ICAM5: variants seen among roughly 807,000 people sequenced by gnomAD.
ICAM5 encodes intercellular adhesion molecule 5.
ICAM5 carries 38 observed loss-of-function variants against 78.8 expected under a neutral mutation model. That is an observed-to-expected ratio of 0.48 (90% CI 0.37 to 0.63). The LOEUF is 0.63. ICAM5 is among the 30% of genes least tolerant of loss of function. The pLI, the probability that ICAM5 is intolerant of heterozygous loss-of-function variation, is 0.00. For synonymous variants in ICAM5, 544 were observed against 590.9 expected (o/e 0.92, Z 1.15); for missense variants, 1,059 against 1,303.0 (o/e 0.81, Z 2.88).
At position 10,296,624 on chromosome 19, in the gene ICAM5, C is replaced by G; in HGVS notation, c.*8C>G. The stretch of plus-strand genomic sequence containing the variant: ...CAGCTGACATCGGCGTGAGCCCGCT[C>G]CCCTCTCCCCGCGGGCCGGGGGACG... On this transcript the variant is annotated 3_prime_UTR_variant, in exon 11 of 11. Transcript: ENST00000221980. 8.3e-7 allele frequency: 1 copy of G among 1,210,020 alleles called. No homozygotes were observed. Among genetic ancestry groups the G allele is most frequent in the East Asian group, 3.4e-5 (1 of 29,430 alleles). 75.0% of individuals were successfully genotyped at this position (1,210,020 alleles called of 1,614,324 possible).
chr19:10,292,715 G>A lies in ICAM5; in HGVS notation c.1065G>A (p.Glu355=). The A allele has an allele frequency of 6.2e-7, 1 of 1,613,322 alleles. No individual in the cohort carries two copies. Among genetic ancestry groups the A allele is most frequent in the African/African-American group, 1.3e-5 (1 of 75,010 alleles). The change falls in exon 5 of 11, where the codon GAG becomes GAA. Residue 355 remains glutamate (E), a synonymous_variant. Transcript: ENST00000221980. Reference sequence around the variant, plus strand: ...GGGCCCAAGCTCTGGTCACACTGGAGGGAGTTCCAGCCGCGGTCCCGGGGC... The same window carrying A: ...GGGCCCAAGCTCTGGTCACACTGGAAGGAGTTCCAGCCGCGGTCCCGGGGC... ...AAGAQALVTL[E]GVPAAVPGQP... is the part of the protein sequence containing the mutation.
chr19:10,295,682 C>T, intron 10 of ICAM5, 70 bp downstream of exon 10: 12 of 1,453,482 alleles, frequency 8.3e-6, no homozygotes, highest in Admixed American at 2.4e-5. Context: ...TTGGGGCGGC[C>T]GGCCCCGCCT....
Position 10,296,610 on chromosome 19 carries a change from G to A in ICAM5, c.2769G>A (p.Ser923=), listed in dbSNP as rs188344435. The change falls in exon 11 of 11, where the codon TCG becomes TCA. Residue 923 remains serine (S), a synonymous_variant. Transcript: ENST00000221980. ...EGEVFAIQLT[S]A is the part of the protein sequence containing the mutation. ...AGGTCTTCGCCATACAGCTGACATC[G>A]GCGTGAGCCCGCTCCCCTCTCCCCG... is the stretch of plus-strand genomic sequence containing the variant. 5.0e-6 allele frequency: 6 copies of A among 1,211,776 alleles called. No homozygotes were observed. Among genetic ancestry groups the A allele is most frequent in the East Asian group, 3.4e-5 (1 of 29,418 alleles). 75.1% of individuals were successfully genotyped at this position (1,211,776 alleles called of 1,614,324 possible). A position where few individuals can be genotyped will look rare whatever the true frequency, so the allele number is the denominator to read the frequency against.
rs747968130 is a variant in ICAM5 at position 10,293,050 on chromosome 19, G to A, written c.1269G>A (p.Glu423=). The A allele has an allele frequency of 5.0e-6, 8 of 1,610,634 alleles. No individual in the cohort carries two copies. The highest frequency in any genetic ancestry group is 5.1e-6 in the Non-Finnish European group (6 of 1,179,982). ...GCCCCAGGAGTTGGACGTGGCCCGAGGGCCCAGAGCAGACGCTGCGCTGCG... is the reference window on the plus strand; with the variant it reads ...GCCCCAGGAGTTGGACGTGGCCCGAAGGCCCAGAGCAGACGCTGCGCTGCG... ...SDCPRSWTWP[E]GPEQTLRCEA... is the part of the protein sequence containing the mutation. Residue 423 remains glutamate, a synonymous_variant, in exon 6 of 11, where the codon GAG becomes GAA. Coordinates refer to ENST00000221980, the MANE Select transcript of ICAM5 (RefSeq NM_003259.4). The surrounding 1 kb of genome is among the most constrained non-coding windows in gnomAD (Gnocchi z 5.0).
At position 10,292,031 on chromosome 19, in the gene ICAM5, CT is replaced by C. The variant is rs747879148; in HGVS notation, c.674-3del. ...TAGTTCAAACTTGGTTCTTCGACCC[CT>C]AGCCCTGTCTCCGGATGCCCCGCGC... On this transcript the variant is annotated splice_region_variant and splice_polypyrimidine_tract_variant and intron_variant, in intron 3 of 10. Coordinates refer to ENST00000221980, the MANE Select transcript of ICAM5 (RefSeq NM_003259.4). The C allele has an allele frequency of 1.9e-6, 3 of 1,611,178 alleles. No homozygotes were observed. Among genetic ancestry groups the C allele is most frequent in the Non-Finnish European group, 2.5e-6 (3 of 1,178,462 alleles).
rs768492302 is a variant in ICAM5, at chr19:10,294,351, G to T, written c.1990+33G>T. ...AGGCCCAGGCGGGTAGGGAGCAGGG[G>T]TGCCCCACGGTCCAGGCACTCCCTG... is the stretch of plus-strand genomic sequence containing the variant. On this transcript the variant is annotated intron_variant, in intron 8 of 10. Coordinates refer to ENST00000221980, the MANE Select transcript of ICAM5 (RefSeq NM_003259.4). The surrounding 1 kb of genome is among the most constrained non-coding windows in gnomAD (Gnocchi z 7.7). 16 of 1,612,280 alleles carry T rather than the reference G, an allele frequency of 9.9e-6. No homozygotes were observed. In the South Asian group the frequency reaches 1.6e-4, roughly 17 times the overall value.
In ICAM5 at chr19:10,291,957, G is replaced by A. The variant is rs936547023; in HGVS notation, c.674-78G>A. ...CTCCGTGCCTTGAGGATGATAATAC[G>A]ATAAGATAGTGCATGTCAAGTGCTT... On this transcript the variant is annotated intron_variant, in intron 3 of 10. Transcript: ENST00000221980. 12 of 1,521,680 alleles carry A rather than the reference G, an allele frequency of 7.9e-6. No homozygotes were observed. In the South Asian group the frequency reaches 1.4e-4, roughly 18 times the overall value. The allele number at this position is 1,521,680 out of a possible 1,614,324, so 94.3% of individuals were successfully genotyped here. A position where few individuals can be genotyped will look rare whatever the true frequency, so the allele number is the denominator to read the frequency against.
At position 10,296,521 on chromosome 19, in the gene ICAM5, G is replaced by A. The variant is rs2145032926; in HGVS notation, c.2680G>A (p.Ala894Thr). ...CGGAGCGGGCGGCGGCGCTGGCGGG[G>A]CGGCAGGCGCGGAGGGCGGACCCGA... ...LNGAGGGAGGAAGAEGGPEAA... is the reference protein window; with the variant it reads ...LNGAGGGAGGTAGAEGGPEAA... The change falls in exon 11 of 11, where the codon GCG becomes ACG. Residue 894 changes from alanine to threonine, a missense_variant. Coordinates refer to ENST00000221980, the MANE Select transcript of ICAM5 (RefSeq NM_003259.4). 1 of 1,210,038 alleles carries A rather than the reference G, an allele frequency of 8.3e-7. No individual in the cohort carries two copies. The allele number at this position is 1,210,038 out of a possible 1,614,324, so 75.0% of individuals were successfully genotyped here.
chr19:10,290,901 G>A lies in ICAM5; in HGVS notation c.83-171G>A. The A allele has an allele frequency of 1.3e-6, 1 of 776,174 alleles. No homozygotes were observed. Among genetic ancestry groups the A allele is most frequent in the Non-Finnish European group, 2.0e-6 (1 of 495,748 alleles). The allele number at this position is 776,174 out of a possible 1,614,324, so 48.1% of individuals were successfully genotyped here. A position where few individuals can be genotyped will look rare whatever the true frequency, so the allele number is the denominator to read the frequency against. ...GACACCCTCGAGGTTTAGACTCTGG[G>A]AGTGCGCCTTTAAACCGGAGGCCTG... On this transcript the variant is annotated intron_variant, in intron 1 of 10. Transcript: ENST00000221980. The surrounding 1 kb of genome is among the most constrained non-coding windows in gnomAD (Gnocchi z 5.7).
chr19:10,293,202 A>G lies in ICAM5; in HGVS notation c.1421A>G (p.Asn474Ser), dbSNP rs201216338. The G allele has an allele frequency of 4.5e-5, 73 of 1,607,774 alleles. No homozygotes were observed. The South Asian group carries it at 6.4e-4, about 14-fold the overall frequency. Residue 474 changes from asparagine (N) to serine (S), a missense_variant, in exon 6 of 11, where the codon AAT (asparagine) becomes AGT (serine). Asn to Ser is a conservative substitution (Grantham distance 46). Transcript: ENST00000221980. The surrounding 1 kb of genome is among the most constrained non-coding windows in gnomAD (Gnocchi z 5.0). ...GGCACTTACCGCTGCAAGGCGGCCA[A>G]TGATCAAGGCGAGGCGGTCAAGGAC... ...LSGTYRCKAA[N>S]DQGEAVKDVT...
At chr19:10,295,678 C>A in intron 10 of ICAM5, 66 bp downstream of exon 10, 6 of 1,461,758 alleles carry the variant, frequency 4.1e-6, no homozygotes, top group Non-Finnish European at 5.4e-6. Flanking sequence ...GGTCTTGGGG[C>A]GGCCGGCCCC....
rs1399405573 is a variant in ICAM5, at chr19:10,293,866, A to G, written c.1634A>G (p.Glu545Gly). 10 of 1,611,664 alleles carry G rather than the reference A, an allele frequency of 6.2e-6. No individual in the cohort carries two copies. The highest frequency in any genetic ancestry group is 8.5e-6 in the Non-Finnish European group (10 of 1,179,966). ...GAGGGGCTGTTGCGTGTGGCCCGGG[A>G]GCATGCGGGCACTTACCGCTGCGAA... ...VIEGLLRVAR[E>G]HAGTYRCEAT... The change falls in exon 7 of 11, where the codon GAG (glutamate) becomes GGG (glycine). Residue 545 changes from glutamate to glycine, a missense_variant. Glu to Gly is a moderately conservative substitution (Grantham distance 98). This residue lies in a region of ICAM5 where 815 missense variants were observed against 952.8 expected (regional missense o/e 0.86). Coordinates refer to ENST00000221980, the MANE Select transcript of ICAM5 (RefSeq NM_003259.4). The surrounding 1 kb of genome is among the most constrained non-coding windows in gnomAD (Gnocchi z 5.0).
chr19:10,294,694 G>A lies in ICAM5; in HGVS notation c.2230+54G>A, dbSNP rs879574971. ...GACACGGTCCTCGGAAGAATGACTC[G>A]CAGCGGTGGGAGCATTCAAGGGCAC... On this transcript the variant is annotated intron_variant, in intron 9 of 10. Transcript: ENST00000221980. This position sits in a 1 kb window ranked among gnomAD's most constrained non-coding sequence, Gnocchi z 7.7. The A allele has an allele frequency of 2.5e-6, 4 of 1,607,290 alleles. No individual in the cohort carries two copies. Among genetic ancestry groups the A allele is most frequent in the African/African-American group, 1.3e-5 (1 of 74,716 alleles).
In ICAM5 at chr19:10,293,240, G is replaced by T; in HGVS notation, c.1459G>T (p.Val487Leu). The T allele has an allele frequency of 1.3e-6, 2 of 1,581,026 alleles. No homozygotes were observed. The highest frequency in any genetic ancestry group is 1.7e-6 in the Non-Finnish European group (2 of 1,163,384). ...GGCGGTCAAGGACGTAACGCTAACG[G>T]TGGAGTGTGAGTGGGGGTGCGCAGG... is the stretch of plus-strand genomic sequence containing the variant. ...GEAVKDVTLT[V>L]EYAPALDSVG... The change falls in exon 6 of 11, where the codon GTG becomes TTG. Residue 487 changes from valine (V) to leucine (L), a missense_variant. Physicochemically the swap from Val to Leu is conservative, Grantham distance 32. This residue lies in a region of ICAM5 where 815 missense variants were observed against 952.8 expected (regional missense o/e 0.86). Transcript: ENST00000221980. The surrounding 1 kb of genome is among the most constrained non-coding windows in gnomAD (Gnocchi z 5.0).
chr19:10,290,999 C>T lies in ICAM5; in HGVS notation c.83-73C>T. ...TCCTCCTCCCCGCCCTCTGAGAACC[C>T]TTGACTCGACATAGGGGCGCTAAGA... On this transcript the variant is annotated intron_variant, in intron 1 of 10. Transcript: ENST00000221980. This position sits in a 1 kb window ranked among gnomAD's most constrained non-coding sequence, Gnocchi z 5.7. 6.7e-7 allele frequency: 1 copy of T among 1,500,774 alleles called. No individual in the cohort carries two copies. Among genetic ancestry groups the T allele is most frequent in the African/African-American group, 1.4e-5 (1 of 72,502 alleles). 93.0% of individuals were successfully genotyped at this position (1,500,774 alleles called of 1,614,324 possible).
chr19:10,292,290 A>G lies in ICAM5; in HGVS notation c.929A>G (p.Asn310Ser), dbSNP rs1338932176. ...LVCNVTLGGE[N>S]RETRENVTIY... ...TGCAACGTCACCCTGGGGGGCGAAA[A>G]CCGGGAGACCCGGGAGAACGTGACC... is the stretch of plus-strand genomic sequence containing the variant. Residue 310 changes from asparagine to serine, a missense_variant, in exon 4 of 11, where the codon AAC (asparagine) becomes AGC (serine). This residue lies in a region of ICAM5 where 815 missense variants were observed against 952.8 expected (regional missense o/e 0.86). Transcript: ENST00000221980. 3 of 1,610,474 alleles carry G rather than the reference A, an allele frequency of 1.9e-6. No homozygotes were observed. In the South Asian group the frequency reaches 3.3e-5, roughly 18 times the overall value.
Position 10,296,444 on chromosome 19 carries a change from G to A in ICAM5, c.2603G>A (p.Gly868Asp). ...FYVQSTACKK[G>D]EYNVQEAESS... ...GTGCAGTCCACCGCCTGCAAGAAGG[G>A]CGAGTACAACGTGCAGGAGGCCGAG... The change falls in exon 11 of 11, where the codon GGC (glycine) becomes GAC (aspartate). Residue 868 changes from glycine to aspartate, a missense_variant. By Grantham distance (94) the Gly-to-Asp change is moderately conservative. Transcript: ENST00000221980. 1 of 1,332,340 alleles carries A rather than the reference G, an allele frequency of 7.5e-7. No individual in the cohort carries two copies. Among genetic ancestry groups the A allele is most frequent in the Non-Finnish European group, 9.7e-7 (1 of 1,028,178 alleles). 82.5% of individuals were successfully genotyped at this position (1,332,340 alleles called of 1,614,324 possible).
intron 2 of ICAM5, 70 bp downstream of exon 2, chr19:10,291,411 C>T: frequency 6.2e-7 from 1 of 1,607,150 alleles, no homozygotes; most frequent in South Asian, 1.1e-5. Context: ...CCCTGGGTCC[C>T]AGGGTCCTCC....
In ICAM5 at chr19:10,291,072, C is replaced by G. The variant is rs568068970; in HGVS notation, c.83C>G (p.Ala28Gly). Residue 28 changes from alanine to glycine, a missense_variant and splice_region_variant, in exon 2 of 11, where the codon GCG (alanine) becomes GGG (glycine). By Grantham distance (60) the Ala-to-Gly change is moderately conservative. Transcript: ENST00000221980. ...GCTCAGCCCGCGTTTCCCTGGGCAG[C>G]GGTCTCGCAGGAGCCCTTCTGGGCG... ...ALGLGLFGLSAVSQEPFWADL... is the reference protein window; with the variant it reads ...ALGLGLFGLSGVSQEPFWADL... The G allele has an allele frequency of 1.2e-6, 2 of 1,603,990 alleles. No individual in the cohort carries two copies. The highest frequency in any genetic ancestry group is 1.3e-5 in the African/African-American group (1 of 74,722).
Sources: gnomAD v4.1 joint callset for allele counts on GRCh38, gnomAD v4.1.1 for gene constraint, gnomAD v4.1.1 regional missense constraint, Gnocchi (gnomAD v3.1) non-coding constraint, MANE v1.5 for transcripts, NCBI Gene and HGNC (gene_info 2026-07-23, HGNC 2026-07-21) for gene names.